The following GPC3 variants were observed in gnomAD, a reference collection of about 807,000 sequenced individuals.
The protein encoded by GPC3 is glypican 3.
Under a neutral mutation model 34.4 loss-of-function variants are expected in GPC3, and 3 were observed. The ratio of observed to expected loss-of-function variants is 0.09; its 90% confidence interval spans 0.04 to 0.23. The LOEUF (loss-of-function observed/expected upper bound fraction) is 0.23, where lower values mean the gene tolerates loss of function less well. GPC3 is among the 10% of genes least tolerant of loss of function. GPC3 has a pLI of 1.00. For missense variants in GPC3, 351 were observed against 445.6 expected, an observed-to-expected ratio of 0.79 and a Z score of 1.91; for synonymous variants, 177 against 174.0, an observed-to-expected ratio of 1.02 and a Z score of -0.13.
At chrX:133,785,104 T>C (rs1048198777) in intron 2 of GPC3, among the ~76,000 whole-genome samples, 2 of 111,779 alleles carry the variant, frequency 1.8e-5, no homozygotes, top group East Asian at 5.6e-4. Flanking sequence ...GAAACTTCCT[T>C]AGGGGGCTTT....
At chrX:133,912,244 T>G (rs760553947) in intron 2 of GPC3, among the ~76,000 whole-genome samples, 2 of 112,343 alleles carry the variant, frequency 1.8e-5, no homozygotes, top group Non-Finnish European at 3.8e-5. Flanking sequence ...TTACTGCCTG[T>G]GCAAGGCGAA....
chrX:133,899,558 T>C (rs1305078760), intron 2 of GPC3, among the ~76,000 whole-genome samples: 2 of 111,615 alleles, frequency 1.8e-5, no homozygotes, highest in Admixed American at 1.9e-4. Context: ...CCCATTCTAC[T>C]AGACTGTAAG....
At chrX:133,657,182 C>T (rs963820723) in intron 6 of GPC3, among the ~76,000 whole-genome samples, 1 of 111,970 alleles carries the variant, frequency 8.9e-6, no homozygotes, top group Non-Finnish European at 1.9e-5. Context: ...AATGGGGAAA[C>T]AATAAATGGA....
intron 2 of GPC3, among the ~76,000 whole-genome samples, chrX:133,815,542 C>T (rs1021375997): frequency 9.1e-6 from 1 of 110,393 alleles, no homozygotes; most frequent in Non-Finnish European, 1.9e-5. Flanking sequence ...TCACATGTGG[C>T]CAACCACACT....
rs1022407206 is a variant in GPC3, at chrX:133,539,855, G to A, written c.1574-3562C>T. The stretch of plus-strand genomic sequence containing the variant: ...GGGAATAGCTTAGCACAATAATGAA[G>A]CATTATGGAGACAGAGGAAATAGGA... On this transcript the variant is annotated intron_variant, in intron 7 of 7. Transcript: ENST00000370818. 4.4e-5 allele frequency among the ~76,000 whole-genome samples: 5 copies of A among 112,626 alleles called. No homozygotes were observed. In the Admixed American group the frequency reaches 4.7e-4, roughly 11 times the overall value.
At chrX:133,881,413 A>C (rs184080460) in intron 2 of GPC3, among the ~76,000 whole-genome samples, 187 of 112,589 alleles carry the variant, frequency 1.7e-3, no homozygotes, top group African/African-American at 5.5e-3. Context: ...TTCAATTTAC[A>C]AAGTAAAAAT....
intron 7 of GPC3, among the ~76,000 whole-genome samples, chrX:133,564,628 G>T (rs780437237): frequency 9.0e-6 from 1 of 111,153 alleles, no homozygotes; most frequent in African/African-American, 3.3e-5. Flanking sequence ...TTTGATTTGG[G>T]GTAAGTTATA....
intron 2 of GPC3, among the ~76,000 whole-genome samples, chrX:133,880,734 TAAC>T (rs1212787566): frequency 2.7e-5 from 3 of 111,983 alleles, no homozygotes; most frequent in Non-Finnish European, 5.6e-5. Flanking sequence ...ACACAAATTG[TAAC>T]AACAGGAATG....
chrX:133,763,095 TG>T, intron 2 of GPC3: 1 of 652,316 alleles, frequency 1.5e-6, no homozygotes, highest in Non-Finnish European at 2.5e-6. Flanking sequence ...CTCCAATTGC[TG>T]GCCGCTTCAC....
intron 2 of GPC3, among the ~76,000 whole-genome samples, chrX:133,843,956 T>TA (rs945370813): frequency 1.5e-4 from 17 of 112,051 alleles, no homozygotes; most frequent in African/African-American, 5.5e-4. Flanking sequence ...TAGCAAGAGA[T>TA]AAAGTCTTAC....
chrX:133,596,371 T>C, intron 7 of GPC3, 69 bp downstream of exon 7: 1 of 950,680 alleles, frequency 1.1e-6, no homozygotes, highest in Non-Finnish European at 1.5e-6. Flanking sequence ...AGACAGCGGG[T>C]TCAATTTATT....
chrX:133,751,667 T>G (rs1461625257), intron 3 of GPC3, among the ~76,000 whole-genome samples: 1 of 111,568 alleles, frequency 9.0e-6, no homozygotes, highest in East Asian at 2.8e-4. Context: ...ACCCTCCACA[T>G]TTTGGATAAG....
intron 3 of GPC3, among the ~76,000 whole-genome samples, chrX:133,705,907 C>G (rs996881308): frequency 8.9e-6 from 1 of 112,097 alleles, no homozygotes; most frequent in African/African-American, 3.2e-5. Flanking sequence ...AATTAGTAAC[C>G]ATACGAAAGC....
At chrX:133,932,029 T>C (rs1384479203) in intron 2 of GPC3, among the ~76,000 whole-genome samples, 1 of 112,286 alleles carries the variant, frequency 8.9e-6, no homozygotes, top group Non-Finnish European at 1.9e-5. Flanking sequence ...TGCTTCCTTC[T>C]GCTCAAGGTA....
At chrX:133,682,984 A>T (rs1334311949) in intron 5 of GPC3, among the ~76,000 whole-genome samples, 2 of 109,218 alleles carry the variant, frequency 1.8e-5, no homozygotes, top group Non-Finnish European at 3.8e-5. Context: ...AAAAAAAAAA[A>T]ATCCATCTGG....
At chrX:133,650,353 G>A (rs1193241597) in intron 6 of GPC3, among the ~76,000 whole-genome samples, 2 of 109,680 alleles carry the variant, frequency 1.8e-5, no homozygotes, top group African/African-American at 3.3e-5. Flanking sequence ...TCTCTAAGCT[G>A]TACTCCAAGG....
chrX:133,841,215 AT>A (rs769696321), intron 2 of GPC3, among the ~76,000 whole-genome samples: 862 of 39,219 alleles, frequency 0.022, 24 homozygotes, highest in African/African-American at 0.055. Context: ...TAATCTTTTA[AT>A]TTTTTTTTTT....
intron 2 of GPC3, among the ~76,000 whole-genome samples, chrX:133,814,862 G>A (rs1222942001): frequency 2.7e-5 from 3 of 111,449 alleles, no homozygotes; most frequent in Non-Finnish European, 3.8e-5. Context: ...GCCACTGTGC[G>A]TGACCCACTC....
chrX:133,777,329 C>T (rs2071997275), intron 2 of GPC3, among the ~76,000 whole-genome samples: 1 of 110,524 alleles, frequency 9.0e-6, no homozygotes, highest in Non-Finnish European at 1.9e-5. Flanking sequence ...CCTATTTATG[C>T]CTGCTTATCT....
Sources: allele counts gnomAD v4.1 joint callset (sites outside exome capture counted in the v4.1 genomes callset), GRCh38; gene constraint gnomAD v4.1.1; transcripts MANE v1.5; gene names NCBI Gene and HGNC (gene_info 2026-07-23, HGNC 2026-07-21).